The following SLC36A1 variants were observed in gnomAD, a reference collection of about 807,000 sequenced individuals.
The protein encoded by SLC36A1 is proton-coupled amino acid transporter 1.
SLC36A1 carries 30 observed loss-of-function variants against 47.5 expected under a neutral mutation model. The ratio of observed to expected loss-of-function variants is 0.63; its 90% CI spans 0.47 to 0.86. The LOEUF (loss-of-function observed/expected upper bound fraction) is 0.86. SLC36A1 is among the 40% of genes least tolerant of loss of function. The probability of loss-of-function intolerance (pLI) is 0.00; values close to 1 mark genes in which losing one functional copy is unlikely to be tolerated. For synonymous variants in SLC36A1, 255 were observed against 249.7 expected (o/e 1.02, Z -0.20); for missense variants, 517 against 606.0 (o/e 0.85, Z 1.54).
chr5:151,378,916 G>C, the SLC36A1 span, among the ~76,000 whole-genome samples: 2 of 152,256 alleles, frequency 1.3e-5, no homozygotes, highest in Non-Finnish European at 2.9e-5. Flanking sequence ...CTGGACCGTG[G>C]AGCCAATGGA....
the SLC36A1 span, chr5:151,543,132 A>C: frequency 6.3e-5 from 101 of 1,614,068 alleles, no homozygotes; most frequent in Non-Finnish European, 8.3e-5. Flanking sequence ...GAGGGCCTCC[A>C]TCTTGGGCTT....
chr5:151,531,895 A>G, the SLC36A1 span: 90 of 1,614,076 alleles, frequency 5.6e-5, no homozygotes, highest in Non-Finnish European at 6.9e-5. The surrounding 1 kb of genome is among the most constrained non-coding windows in gnomAD (Gnocchi z 5.7). Context: ...CAGGCGGATC[A>G]CCCCCGTGGT....
At chr5:151,538,493 T>C in the SLC36A1 span, among the ~76,000 whole-genome samples, 3 of 152,178 alleles carry the variant, frequency 2.0e-5, no homozygotes, top group Middle Eastern at 3.4e-3. Context: ...CCACCCTCCC[T>C]TTGCTGCAGG....
chr5:151,420,748 C>T, the SLC36A1 span, among the ~76,000 whole-genome samples: 7 of 152,274 alleles, frequency 4.6e-5, no homozygotes, highest in East Asian at 1.9e-4. Context: ...TAGTTCTCCT[C>T]ACCACTTCTT....
At chr5:151,347,230 AG>A in the SLC36A1 span, 1 of 1,593,138 alleles carries the variant, frequency 6.3e-7, no homozygotes, top group South Asian at 1.1e-5. Flanking sequence ...CACCCACCTC[AG>A]GGTTTTTGCC....
At chr5:151,395,011 C>T in the SLC36A1 span, among the ~76,000 whole-genome samples, 4,933 of 152,292 alleles carry the variant, frequency 0.032, 237 homozygotes, top group African/African-American at 0.11. Context: ...TGGATGGAGT[C>T]TACAGAGGCA....
At chr5:151,551,690 A>G in the SLC36A1 span, 1 of 1,463,876 alleles carries the variant, frequency 6.8e-7, no homozygotes, top group Non-Finnish European at 9.4e-7. Flanking sequence ...TGTCAGGCTC[A>G]GAGGACACGG....
At chr5:151,550,625 C>T in the SLC36A1 span, 105,765 of 1,613,996 alleles carry the variant, frequency 0.066, 6,623 homozygotes, top group Admixed American at 0.31. Context: ...GGCCCCGAGC[C>T]GAGGTCCAAT....
intron 10 of SLC36A1, 155 bp downstream of exon 10, chr5:151,479,644 C>A: frequency 2.8e-6 from 2 of 714,852 alleles, no homozygotes; most frequent in Non-Finnish European, 4.6e-6. Flanking sequence ...GTTGAGGCAC[C>A]TCCAGATGGG....
At chr5:151,553,078 G>A in the SLC36A1 span, 160 of 1,260,364 alleles carry the variant, frequency 1.3e-4, 2 homozygotes, top group Middle Eastern at 1.5e-3. Context: ...CGAGGAGCCC[G>A]ACCTTGAGAA....
intron 1 of SLC36A1, among the ~76,000 whole-genome samples, chr5:151,449,639 A>G (rs1018159461): frequency 2.0e-5 from 3 of 152,200 alleles, no homozygotes; most frequent in Non-Finnish European, 4.4e-5. Flanking sequence ...AATATTCTGG[A>G]GACTACAACT....
At chr5:151,421,566 C>T in the SLC36A1 span, among the ~76,000 whole-genome samples, 20,756 of 147,304 alleles carry the variant, frequency 0.14, 1,952 homozygotes, top group East Asian at 0.38. Context: ...TTTTCTTTTT[C>T]TTTTTCTTTC....
intron 8 of SLC36A1, among the ~76,000 whole-genome samples, chr5:151,474,037 A>G (rs559634626): frequency 6.6e-6 from 1 of 151,638 alleles, no homozygotes; most frequent in African/African-American, 2.4e-5. Context: ...GCACACGCCT[A>G]TAATCCCAGC....
At chr5:151,479,520 T>C (rs774813593) in intron 10 of SLC36A1, 31 bp downstream of exon 10, 2 of 1,599,552 alleles carry the variant, frequency 1.3e-6, no homozygotes, top group Admixed American at 3.4e-5. Flanking sequence ...GCCTTGCTTG[T>C]TTTTCCCTAA....
the SLC36A1 span, among the ~76,000 whole-genome samples, chr5:151,392,176 T>C: frequency 1.3e-5 from 2 of 152,236 alleles, no homozygotes; most frequent in South Asian, 4.1e-4. Flanking sequence ...CTAGATTTTC[T>C]AGTTTATTTG....
chr5:151,537,296 G>C, the SLC36A1 span, among the ~76,000 whole-genome samples: 1 of 143,292 alleles, frequency 7.0e-6, no homozygotes, highest in Non-Finnish European at 1.5e-5. Context: ...AGGAGGAGGA[G>C]GGAGAGAGGG....
chr5:151,544,694 C>T, the SLC36A1 span: 1 of 1,614,128 alleles, frequency 6.2e-7, no homozygotes, highest in Non-Finnish European at 8.5e-7. Flanking sequence ...CCATCCCGAG[C>T]AATGACTTTG....
the SLC36A1 span, among the ~76,000 whole-genome samples, chr5:151,350,852 A>ACCCCCC: frequency 6.6e-6 from 1 of 152,008 alleles, no homozygotes; most frequent in Non-Finnish European, 1.5e-5. Flanking sequence ...CAGGTGCATG[A>ACCCCCC]CACCATGCCT....
intron 4 of SLC36A1, 48 bp downstream of exon 4, chr5:151,464,650 G>T: frequency 6.5e-7 from 1 of 1,540,224 alleles, no homozygotes; most frequent in Non-Finnish European, 9.0e-7. Flanking sequence ...GTCCTTTTGG[G>T]TTCTGTTATC....
Sources: gnomAD v4.1 joint callset for allele counts (sites outside exome capture counted in the v4.1 genomes callset) on GRCh38, gnomAD v4.1.1 for gene constraint, Gnocchi (gnomAD v3.1) non-coding constraint, MANE v1.5 for transcripts, NCBI Gene and HGNC (gene_info 2026-07-23, HGNC 2026-07-21) for gene names.